ITK: variants seen among roughly 807,000 people sequenced by gnomAD.
ITK encodes IL2 inducible T cell kinase, also known as tyrosine-protein kinase ITK/TSK.
A neutral mutation model predicts 87.6 loss-of-function variants in ITK; 45 were observed. The observed-to-expected ratio is 0.51, with a 90% CI of 0.40 to 0.66. The LOEUF is 0.66. Among genes scored for constraint, ITK ranks in the 30% least tolerant of loss-of-function variants. The pLI, the probability that ITK is intolerant of heterozygous loss-of-function variation, is 0.00. For missense variants in ITK, 605 were observed against 766.3 expected, an observed-to-expected ratio of 0.79 and a Z score of 2.48; for synonymous variants, 303 against 273.6, an observed-to-expected ratio of 1.11 and a Z score of -1.06.
chr5:157,195,116 A>T (rs1753826753), intron 1 of ITK: 1 of 152,250 alleles, frequency 6.6e-6, no homozygotes, highest in African/African-American at 2.4e-5. Flanking sequence ...GAAGATGGTC[A>T]AAAGAGATCC....
intron 1 of ITK, chr5:157,195,890 A>G (rs1364665346): frequency 6.6e-6 from 1 of 152,198 alleles, no homozygotes; most frequent in Non-Finnish European, 1.5e-5. Flanking sequence ...AGTTTTTGTT[A>G]TTATGCACAA....
At chr5:157,245,367 C>T in intron 13 of ITK, 1 of 391,748 alleles carries the variant, frequency 2.6e-6, no homozygotes, top group East Asian at 6.0e-5. Context: ...AACATCAAAA[C>T]ATTCTTAATT....
At chr5:157,189,864 A>T (rs112627882) in intron 1 of ITK, among the ~76,000 whole-genome samples, 3 of 152,348 alleles carry the variant, frequency 2.0e-5, no homozygotes, top group African/African-American at 7.2e-5. Flanking sequence ...TAACGAACTA[A>T]TAATACATTC....
In ITK at chr5:157,252,543, G is replaced by A. The variant is rs1333131962; in HGVS notation, c.1792-64G>A. 2.4e-6 allele frequency: 3 copies of A among 1,230,074 alleles called. No individual in the cohort carries two copies. In the Admixed American group the frequency reaches 5.0e-5, roughly 21 times the overall value. 76.2% of individuals were successfully genotyped at this position (1,230,074 alleles called of 1,614,324 possible). A position where few individuals can be genotyped will look rare whatever the true frequency, so the allele number is the denominator to read the frequency against. On this transcript the variant is annotated intron_variant, in intron 16 of 16. Transcript: ENST00000422843. ...GGATGCTGCTATTAAATTCTGGTTTGTTTTGGATTTACCTATGACGCATAA... is the reference window on the plus strand; with the variant it reads ...GGATGCTGCTATTAAATTCTGGTTTATTTTGGATTTACCTATGACGCATAA...
rs1755223428 is a variant in ITK at position 157,255,038 on chromosome 5, A to T, written c.*2360A>T. 9.9e-6 allele frequency: 2 copies of T among 201,902 alleles called. No individual in the cohort carries two copies. Among genetic ancestry groups the T allele is most frequent in the South Asian group, 3.8e-4 (2 of 5,238 alleles). The allele number at this position is 201,902 out of a possible 1,614,324, so 12.5% of individuals were successfully genotyped here. ...TTTGAGACTATGTATTTATATTTGG[A>T]TCAGATGCATATTTATTAATGTACA... On this transcript the variant is annotated 3_prime_UTR_variant, in exon 17 of 17. Transcript: ENST00000422843.
At chr5:157,193,873 C>T (rs1367686382) in intron 1 of ITK, among the ~76,000 whole-genome samples, 1 of 150,594 alleles carries the variant, frequency 6.6e-6, no homozygotes, top group African/African-American at 2.4e-5. Context: ...TCAACAGCAA[C>T]AATTTTTTTT....
intron 2 of ITK, among the ~76,000 whole-genome samples, chr5:157,210,735 C>T (rs1754175011): frequency 7.3e-6 from 1 of 137,108 alleles, no homozygotes; most frequent in African/African-American, 2.8e-5. Flanking sequence ...TGATATTCCC[C>T]TTCCTGTGTC....
chr5:157,218,144 A>G, intron 5 of ITK, among the ~76,000 whole-genome samples: 1 of 152,162 alleles, frequency 6.6e-6, no homozygotes, highest in Non-Finnish European at 1.5e-5. Flanking sequence ...TATTTATTCA[A>G]CAAATACTGA....
rs778621770 is a variant in ITK at position 157,245,894 on chromosome 5, G to A, written c.1528G>A (p.Asp510Asn). 4.3e-6 allele frequency: 7 copies of A among 1,614,058 alleles called. No individual in the cohort carries two copies. Among genetic ancestry groups the A allele is most frequent in the Non-Finnish European group, 5.9e-6 (7 of 1,179,892 alleles). ...CTCTCTTCCCAGGTTCGTTCTGGAT[G>A]ATCAGTACACCAGTTCCACAGGCAC... ...DFGMTRFVLD[D>N]QYTSSTGTKF... The change falls in exon 15 of 17, where the codon GAT becomes AAT. Residue 510 changes from aspartate (D) to asparagine (N), a missense_variant. By Grantham distance (23) the Asp-to-Asn change is conservative (BLOSUM62 1). Around this residue, in one of 3 missense-constraint regions of ITK, gnomAD observed 70 missense variants for 122.5 expected, o/e 0.57. Transcript: ENST00000422843.
At chr5:157,187,209 A>G (rs1753662353) in intron 1 of ITK, among the ~76,000 whole-genome samples, 1 of 152,238 alleles carries the variant, frequency 6.6e-6, no homozygotes, top group Non-Finnish European at 1.5e-5. Flanking sequence ...TGAAGTTGTA[A>G]CTACTCATTT....
rs753524613 is a variant in ITK, at chr5:157,228,355, C to A, written c.707C>A (p.Thr236Asn). The change falls in exon 7 of 17, where the codon ACC becomes AAC. Residue 236 changes from threonine to asparagine, a missense_variant. Transcript: ENST00000422843. The stretch of plus-strand genomic sequence containing the variant: ...GAAAAATCTCCAAATAATCTGGAAA[C>A]CTATGAGTAAGATATTTTATTTGTT... ...LVEKSPNNLE[T>N]YEWYNKSISR... The A allele has an allele frequency of 2.5e-6, 4 of 1,575,696 alleles. No homozygotes were observed. Among genetic ancestry groups the A allele is most frequent in the South Asian group, 2.2e-5 (2 of 90,218 alleles).
chr5:157,207,765 T>A (rs1035540233), intron 1 of ITK, among the ~76,000 whole-genome samples: 1 of 152,158 alleles, frequency 6.6e-6, no homozygotes, highest in African/African-American at 2.4e-5. Flanking sequence ...CATACATATC[T>A]TAAACCACAC....
chr5:157,244,921 G>A, intron 13 of ITK: 1 of 233,852 alleles, frequency 4.3e-6, no homozygotes, highest in South Asian at 5.8e-5. Flanking sequence ...TGATTTGTAT[G>A]CACATTAAAA....
intron 6 of ITK, among the ~76,000 whole-genome samples, chr5:157,227,467 G>A (rs1325122947): frequency 6.6e-6 from 1 of 152,110 alleles, no homozygotes; most frequent in East Asian, 1.9e-4. Context: ...CATATCTGAA[G>A]AAGCTCAATT....
chr5:157,188,192 G>C (rs1037759918), intron 1 of ITK, among the ~76,000 whole-genome samples: 2 of 152,106 alleles, frequency 1.3e-5, no homozygotes, highest in Non-Finnish European at 2.9e-5. Flanking sequence ...ATGTCATTCA[G>C]TTGCCTTCCA....
At chr5:157,187,489 A>G (rs976155573) in intron 1 of ITK, among the ~76,000 whole-genome samples, 1 of 152,236 alleles carries the variant, frequency 6.6e-6, no homozygotes, top group Admixed American at 6.5e-5. Flanking sequence ...TCAATACCCA[A>G]ATAATAGAGA....
intron 1 of ITK, among the ~76,000 whole-genome samples, chr5:157,192,828 T>C (rs1753779282): frequency 6.6e-6 from 1 of 152,132 alleles, no homozygotes; most frequent in African/African-American, 2.4e-5. Context: ...ATAGTAGAAA[T>C]GAAAAGACAA....
intron 1 of ITK, among the ~76,000 whole-genome samples, chr5:157,197,674 A>G (rs1019574460): frequency 6.6e-6 from 1 of 152,192 alleles, no homozygotes; most frequent in East Asian, 1.9e-4. Flanking sequence ...AACACTTGGT[A>G]TATACTTTTG....
intron 1 of ITK, among the ~76,000 whole-genome samples, chr5:157,204,140 A>T (rs2113748956): frequency 6.6e-6 from 1 of 152,302 alleles, no homozygotes; most frequent in East Asian, 1.9e-4. Context: ...CCTCCCAAGT[A>T]GCTGGGACTA....
Sources: allele counts gnomAD v4.1 joint callset (sites outside exome capture counted in the v4.1 genomes callset), GRCh38; gene constraint gnomAD v4.1.1; regional missense constraint gnomAD v4.1.1; transcripts MANE v1.5; gene names NCBI Gene and HGNC (gene_info 2026-07-23, HGNC 2026-07-21).